The following HMGN5 variants were observed in gnomAD, a reference collection of about 807,000 sequenced individuals.
The protein encoded by HMGN5 is high mobility group nucleosome binding domain 5, also known as high mobility group nucleosome-binding domain-containing protein 5.
A neutral mutation model predicts 9.5 loss-of-function variants in HMGN5; 4 were observed. The ratio of observed to expected loss-of-function variants is 0.42; its 90% confidence interval spans 0.21 to 0.96. The LOEUF (loss-of-function observed/expected upper bound fraction) is 0.96, where lower values mean the gene tolerates loss of function less well. HMGN5 is among the 40% of genes least tolerant of loss of function. HMGN5 has a pLI of 0.30. For missense variants in HMGN5, 192 were observed against 187.5 expected, an observed-to-expected ratio of 1.02 and a Z score of -0.14; for synonymous variants, 55 against 57.1, an observed-to-expected ratio of 0.96 and a Z score of 0.16.
rs775506639 is a variant in HMGN5, at chrX:81,121,595, G to A, written c.-46C>T. 1.2e-5 allele frequency: 13 copies of A among 1,082,458 alleles called. No homozygotes were observed. The South Asian group carries it at 2.8e-4, about 23-fold the overall frequency. 89.2% of individuals were successfully genotyped at this position (1,082,458 alleles called of 1,213,427 possible). A position where few individuals can be genotyped will look rare whatever the true frequency, so the allele number is the denominator to read the frequency against. On this transcript the variant is annotated 5_prime_UTR_variant, in exon 2 of 7. Transcript: ENST00000358130. Reference sequence around the variant, plus strand: ...GATCTTAGTCAGCAGAAAAAAAGCCGAAGGCAGTCACTGCCTGACTGCTCC... The same window carrying A: ...GATCTTAGTCAGCAGAAAAAAAGCCAAAGGCAGTCACTGCCTGACTGCTCC...
intron 1 of HMGN5, among the ~76,000 whole-genome samples, chrX:81,126,534 C>T (rs751737280): frequency 1.2e-4 from 13 of 111,597 alleles, no homozygotes; most frequent in East Asian, 8.4e-4. Context: ...TAATCTTGAA[C>T]GTCCAAATGC....
At chrX:81,193,426 G>A (rs1215365671) in intron 1 of HMGN5, among the ~76,000 whole-genome samples, 1 of 112,339 alleles carries the variant, frequency 8.9e-6, no homozygotes, top group Admixed American at 9.5e-5. Context: ...GTGACTCCCA[G>A]CCTTCAAGGC....
At chrX:81,194,259 C>G (rs1441380923) in intron 1 of HMGN5, among the ~76,000 whole-genome samples, 2 of 110,799 alleles carry the variant, frequency 1.8e-5, no homozygotes, top group Admixed American at 9.6e-5. Flanking sequence ...TTCTCAGGGT[C>G]TGGAAAGATT....
chrX:81,185,017 T>C (rs1421692458), intron 1 of HMGN5, among the ~76,000 whole-genome samples: 1 of 111,968 alleles, frequency 8.9e-6, no homozygotes, highest in East Asian at 2.8e-4. Flanking sequence ...CATGCTGTTT[T>C]AGTTACTATA....
intron 1 of HMGN5, among the ~76,000 whole-genome samples, chrX:81,174,575 T>C (rs2075435991): frequency 9.0e-6 from 1 of 111,382 alleles, no homozygotes; most frequent in Admixed American, 9.6e-5. Flanking sequence ...TAGAATAAAA[T>C]ACATCTACTT....
chrX:81,176,904 AAGAC>A (rs1485714126), intron 1 of HMGN5, among the ~76,000 whole-genome samples: 1 of 111,266 alleles, frequency 9.0e-6, no homozygotes, highest in Non-Finnish European at 1.9e-5. Flanking sequence ...AAGACCTAGA[AAGAC>A]AGGCCAACAT....
At chrX:81,153,901 A>G (rs1296751216) in intron 1 of HMGN5, among the ~76,000 whole-genome samples, 1 of 107,034 alleles carries the variant, frequency 9.3e-6, no homozygotes, top group East Asian at 3.0e-4. Context: ...AAAAAAGGAA[A>G]AATACCTCAT....
intron 1 of HMGN5, among the ~76,000 whole-genome samples, chrX:81,178,674 A>G (rs2075450697): frequency 8.9e-6 from 1 of 112,138 alleles, no homozygotes; most frequent in Non-Finnish European, 1.9e-5. Flanking sequence ...CAATAGAAAA[A>G]GAGGGAATCC....
chrX:81,116,346 C>T lies in HMGN5; in HGVS notation c.130-5G>A. The stretch of plus-strand genomic sequence containing the variant: ...ATCACTTTTTGTCTTCATTTTCTGC[C>T]AAGCAATATAAAACAATGAAAGTAA... On this transcript the variant is annotated splice_region_variant and splice_polypyrimidine_tract_variant and intron_variant, in intron 5 of 6. Coordinates refer to ENST00000358130, the MANE Select transcript of HMGN5 (RefSeq NM_030763.3). The T allele has an allele frequency of 8.6e-7, 1 of 1,157,740 alleles. No individual in the cohort carries two copies. The highest frequency in any genetic ancestry group is 1.2e-6 in the Non-Finnish European group (1 of 853,009).
chrX:81,191,258 C>T (rs760356967), intron 1 of HMGN5, among the ~76,000 whole-genome samples: 11 of 111,303 alleles, frequency 9.9e-5, no homozygotes, highest in African/African-American at 3.6e-4. Flanking sequence ...AAAATTATAA[C>T]TTTATTTTAT....
In HMGN5 at chrX:81,114,656, ATACTCTG is replaced by A. The variant is rs1237558407; in HGVS notation, c.835_841del (p.Gln279LeufsTer13). ...AAACTACATAGGGCAGTTTTAAACA[ATACTCTG>A]TGGCTCCTCTTTTTTTCCATCATCT... On this transcript the variant is annotated frameshift_variant, in exon 7 of 7. Transcript: ENST00000358130. LOFTEE classifies it high-confidence loss of function. 1 of 1,132,076 alleles carries A rather than the reference ATACTCTG, an allele frequency of 8.8e-7. No individual in the cohort carries two copies. The highest frequency in any genetic ancestry group is 1.2e-6 in the Non-Finnish European group (1 of 860,833). The allele number at this position is 1,132,076 out of a possible 1,213,427, so 93.3% of individuals were successfully genotyped here.
chrX:81,146,787 T>C (rs748440602), intron 1 of HMGN5, among the ~76,000 whole-genome samples: 36 of 110,954 alleles, frequency 3.2e-4, no homozygotes, highest in Admixed American at 2.0e-3. Context: ...AAGAATCAAA[T>C]AGACACAATA....
intron 1 of HMGN5, among the ~76,000 whole-genome samples, chrX:81,145,536 A>G (rs1416589246): frequency 1.8e-5 from 2 of 112,248 alleles, no homozygotes; most frequent in Admixed American, 9.5e-5. Flanking sequence ...AGTGCCAGCC[A>G]CTGCAAAAAC....
At chrX:81,176,231 C>T (rs1449853369) in intron 1 of HMGN5, among the ~76,000 whole-genome samples, 1 of 110,540 alleles carries the variant, frequency 9.0e-6, no homozygotes, top group African/African-American at 3.3e-5. Flanking sequence ...AAAGGAATAG[C>T]ATCAACATGA....
At chrX:81,137,388 A>G (rs777411778) in intron 1 of HMGN5, among the ~76,000 whole-genome samples, 8 of 112,002 alleles carry the variant, frequency 7.1e-5, no homozygotes, top group African/African-American at 2.6e-4. Context: ...GTTCTCTGAC[A>G]ATAATGAAAT....
intron 1 of HMGN5, among the ~76,000 whole-genome samples, chrX:81,144,732 A>G (rs936998318): frequency 9.0e-6 from 1 of 111,606 alleles, no homozygotes; most frequent in African/African-American, 3.3e-5. Context: ...AACCCAATCC[A>G]AGGAAGCTAG....
intron 1 of HMGN5, among the ~76,000 whole-genome samples, chrX:81,129,291 T>C (rs1347819667): frequency 9.0e-6 from 1 of 111,654 alleles, no homozygotes; most frequent in Non-Finnish European, 1.9e-5. Flanking sequence ...CACTTTGACA[T>C]TACAGCATTT....
At chrX:81,199,227 G>C (rs2075517905) in intron 1 of HMGN5, among the ~76,000 whole-genome samples, 1 of 111,957 alleles carries the variant, frequency 8.9e-6, no homozygotes, top group South Asian at 3.7e-4. Flanking sequence ...TGAAATAAAA[G>C]AGGACACAAA....
chrX:81,180,781 T>C (rs144986460), intron 1 of HMGN5, among the ~76,000 whole-genome samples: 5,053 of 111,460 alleles, frequency 0.045, 288 homozygotes, highest in African/African-American at 0.16. Flanking sequence ...TTCACAATAG[T>C]AAAGACTTGG....
Sources: allele counts gnomAD v4.1 joint callset (sites outside exome capture counted in the v4.1 genomes callset), GRCh38; gene constraint gnomAD v4.1.1; transcripts MANE v1.5; gene names NCBI Gene and HGNC (gene_info 2026-07-23, HGNC 2026-07-21).